The following LINGO2 variants were observed in gnomAD, a reference collection of about 807,000 sequenced individuals.
The protein encoded by LINGO2 is leucine-rich repeat and immunoglobulin-like domain-containing nogo receptor-interacting protein 2.
In LINGO2, 14 loss-of-function variants were observed where a neutral mutation model predicts 30.6. The observed-to-expected ratio is 0.46, with a 90% confidence interval of 0.30 to 0.72. The LOEUF (loss-of-function observed/expected upper bound fraction) is 0.72. LINGO2 is among the 30% of genes least tolerant of loss of function. The pLI is 0.07. For synonymous variants in LINGO2, 317 were observed against 288.5 expected (o/e 1.10, Z -1.00); for missense variants, 729 against 751.7 (o/e 0.97, Z 0.35).
At chr9:27,973,810 C>T (rs140028751) in intron 5 of LINGO2, among the ~76,000 whole-genome samples, 46 of 152,264 alleles carry the variant, frequency 3.0e-4, no homozygotes, top group African/African-American at 1.1e-3. Context: ...GGTTCATTCA[C>T]CAATCTTTTG....
the LINGO2 span, among the ~76,000 whole-genome samples, chr9:29,194,956 T>C: frequency 6.6e-6 from 1 of 152,212 alleles, no homozygotes; most frequent in Non-Finnish European, 1.5e-5. Context: ...GTATCTGCCA[T>C]CTACCATCAC....
At chr9:28,188,246 A>C (rs542502752) in intron 4 of LINGO2, among the ~76,000 whole-genome samples, 1 of 152,126 alleles carries the variant, frequency 6.6e-6, no homozygotes, top group East Asian at 1.9e-4. Context: ...GAGTGAATGA[A>C]CATTACCTTG....
At chr9:28,126,607 G>C (rs1827242448) in intron 4 of LINGO2, among the ~76,000 whole-genome samples, 1 of 152,184 alleles carries the variant, frequency 6.6e-6, no homozygotes, top group African/African-American at 2.4e-5. Flanking sequence ...GTTCACTTTG[G>C]GGCACCTAGG....
chr9:28,357,320 C>CCT (rs1262503779), intron 3 of LINGO2, among the ~76,000 whole-genome samples: 1 of 16,482 alleles, frequency 6.1e-5, no homozygotes, highest in Non-Finnish European at 1.8e-4. Flanking sequence ...ATAAAGCCCA[C>CCT]CCCCCCCAAA....
chr9:28,436,395 G>A (rs1217158401), intron 2 of LINGO2, among the ~76,000 whole-genome samples: 2 of 151,804 alleles, frequency 1.3e-5, no homozygotes, highest in Non-Finnish European at 2.9e-5. Context: ...GGGACAGTCT[G>A]TTTGAGAGAG....
At chr9:28,495,321 C>G (rs1373539848) in intron 1 of LINGO2, among the ~76,000 whole-genome samples, 2 of 151,998 alleles carry the variant, frequency 1.3e-5, no homozygotes, top group Admixed American at 6.6e-5. Context: ...TATTGCCTAG[C>G]TTTTCTTCTA....
At chr9:28,370,580 T>A (rs910228627) in intron 3 of LINGO2, among the ~76,000 whole-genome samples, 2 of 152,184 alleles carry the variant, frequency 1.3e-5, no homozygotes, top group African/African-American at 4.8e-5. Flanking sequence ...GCCATGAGCT[T>A]TACCTTCAGG....
chr9:28,254,007 TC>T (rs1463249877), intron 4 of LINGO2, among the ~76,000 whole-genome samples: 1 of 152,040 alleles, frequency 6.6e-6, no homozygotes, highest in Non-Finnish European at 1.5e-5. Context: ...GTCCTTTTTT[TC>T]CCTTTTGCCC....
the LINGO2 span, among the ~76,000 whole-genome samples, chr9:28,993,877 T>A: frequency 6.6e-6 from 1 of 152,040 alleles, no homozygotes; most frequent in Non-Finnish European, 1.5e-5. Flanking sequence ...TCAAAATAAT[T>A]AGAGCTATCT....
At chr9:28,503,765 C>T (rs74725404) in intron 1 of LINGO2, among the ~76,000 whole-genome samples, 3,220 of 151,544 alleles carry the variant, frequency 0.021, 106 homozygotes, top group African/African-American at 0.074. Flanking sequence ...CACATCTTCC[C>T]GAGGTATGAG....
intron 4 of LINGO2, among the ~76,000 whole-genome samples, chr9:28,054,441 G>A (rs1194428923): frequency 6.6e-6 from 1 of 152,116 alleles, no homozygotes; most frequent in Non-Finnish European, 1.5e-5. Context: ...CCACGTTACT[G>A]CTATACTGAC....
At position 28,441,975 on chromosome 9, in the gene LINGO2, A is replaced by T. The variant is rs112037580; in HGVS notation, c.-279+33965T>A. On this transcript the variant is annotated intron_variant, in intron 2 of 5. Transcript: ENST00000379992. ...ATTGTACATGCTCTTCAAAATGTAT[A>T]TCGATTCAATCTTTTTATTATTATA... Among the ~76,000 whole-genome samples, 1,264 of 152,260 alleles carry T rather than the reference A, an allele frequency of 8.3e-3. 18 individuals carry two copies. The highest frequency in any genetic ancestry group is 0.027 in the African/African-American group (1,133 of 41,566).
chr9:27,957,295 AT>A (rs1366474162), intron 5 of LINGO2, among the ~76,000 whole-genome samples: 1 of 151,590 alleles, frequency 6.6e-6, no homozygotes, highest in African/African-American at 2.4e-5. Context: ...TGTAGCTTTT[AT>A]TTTTTGTTTG....
the LINGO2 span, among the ~76,000 whole-genome samples, chr9:28,862,263 T>C: frequency 2.0e-5 from 3 of 152,218 alleles, no homozygotes; most frequent in East Asian, 3.9e-4. Flanking sequence ...GTTACATATG[T>C]ATCAGACAAG....
intron 4 of LINGO2, among the ~76,000 whole-genome samples, chr9:28,261,464 C>A (rs537177199): frequency 2.0e-5 from 3 of 152,084 alleles, no homozygotes; most frequent in Admixed American, 6.6e-5. Flanking sequence ...TGCTTTGCTA[C>A]ATAGGAGACT....
intron 4 of LINGO2, among the ~76,000 whole-genome samples, chr9:28,100,732 A>G (rs1826390528): frequency 6.6e-6 from 1 of 151,924 alleles, no homozygotes; most frequent in Non-Finnish European, 1.5e-5. Context: ...ATTGCTTCCC[A>G]TCCTCCACTT....
chr9:28,281,656 G>C (rs1337468137), intron 4 of LINGO2, among the ~76,000 whole-genome samples: 1 of 152,056 alleles, frequency 6.6e-6, no homozygotes, highest in Non-Finnish European at 1.5e-5. Context: ...GTCTAGTGGG[G>C]AAGAGAAATA....
At chr9:28,348,952 G>T (rs1352666364) in intron 3 of LINGO2, among the ~76,000 whole-genome samples, 1 of 151,052 alleles carries the variant, frequency 6.6e-6, no homozygotes. Flanking sequence ...TCTGTTAGAA[G>T]GAAAACTAAC....
chr9:28,789,118 C>T, the LINGO2 span, among the ~76,000 whole-genome samples: 153 of 152,138 alleles, frequency 1.0e-3, no homozygotes, highest in Middle Eastern at 6.8e-3. Flanking sequence ...AATATATATA[C>T]ACTGCTTTAA....
Sources: gnomAD v4.1 joint callset for allele counts (sites outside exome capture counted in the v4.1 genomes callset) on GRCh38, gnomAD v4.1.1 for gene constraint, MANE v1.5 for transcripts, NCBI Gene and HGNC (gene_info 2026-07-23, HGNC 2026-07-21) for gene names.